The following PALLD variants were observed in gnomAD, a reference collection of about 807,000 sequenced individuals.
The protein encoded by PALLD is palladin.
Under a neutral mutation model 123.5 loss-of-function variants are expected in PALLD, and 61 were observed. The observed-to-expected ratio is 0.49, with a 90% CI of 0.40 to 0.61. PALLD has a LOEUF of 0.61. Among genes scored for constraint, PALLD ranks in the 20% least tolerant of loss-of-function variants. The pLI, the probability that PALLD is intolerant of heterozygous loss-of-function variation, is 0.00. For missense variants in PALLD, 1,273 were observed against 1,377.0 expected (o/e 0.92, Z 1.20); for synonymous variants, 465 against 496.4 (o/e 0.94, Z 0.84).
At chr4:168,921,768 T>G (rs766103840) in intron 18 of PALLD, 27 bp downstream of exon 18, 1 of 1,531,234 alleles carries the variant, frequency 6.5e-7, no homozygotes, top group Non-Finnish European at 9.0e-7. Context: ...ATCCTTGCTC[T>G]CTGACAGAAT....
At chr4:168,552,968 G>A (rs1403595283) in intron 2 of PALLD, among the ~76,000 whole-genome samples, 1 of 152,048 alleles carries the variant, frequency 6.6e-6, no homozygotes. Context: ...GTGCCACCAC[G>A]CCCAGACAAT....
chr4:168,507,561 C>T (rs907716017), intron 1 of PALLD: 4 of 200,398 alleles, frequency 2.0e-5, no homozygotes, highest in East Asian at 7.6e-5. Context: ...CAACACCAAA[C>T]GTGAAACCAT....
intron 2 of PALLD, among the ~76,000 whole-genome samples, chr4:168,646,381 G>T (rs1341063328): frequency 1.3e-5 from 2 of 152,194 alleles, no homozygotes; most frequent in African/African-American, 4.8e-5. Flanking sequence ...CAGGACTCCA[G>T]TCCCAGACTG....
At chr4:168,618,307 C>T (rs1774423382) in intron 2 of PALLD, among the ~76,000 whole-genome samples, 1 of 152,152 alleles carries the variant, frequency 6.6e-6, no homozygotes, top group Admixed American at 6.5e-5. Flanking sequence ...AGAACTATAA[C>T]TTTCTATGGT....
chr4:168,870,357 A>C (rs982832120), intron 10 of PALLD, among the ~76,000 whole-genome samples: 1 of 152,202 alleles, frequency 6.6e-6, no homozygotes, highest in Non-Finnish European at 1.5e-5. Context: ...AAAAAATGCA[A>C]TTGACGTTAG....
intron 2 of PALLD, among the ~76,000 whole-genome samples, chr4:168,565,946 G>A (rs1768330649): frequency 6.6e-6 from 1 of 151,944 alleles, no homozygotes; most frequent in African/African-American, 2.4e-5. Flanking sequence ...TGTGTTTTGT[G>A]TTATATAATG....
At chr4:168,914,327 C>G (rs1759667183) in intron 16 of PALLD, among the ~76,000 whole-genome samples, 1 of 152,166 alleles carries the variant, frequency 6.6e-6, no homozygotes, top group South Asian at 2.1e-4. Context: ...GAAAATACTA[C>G]TAAATGGTAC....
chr4:168,809,933 G>A (rs1387922185), intron 10 of PALLD, among the ~76,000 whole-genome samples: 1 of 152,028 alleles, frequency 6.6e-6, no homozygotes, highest in Non-Finnish European at 1.5e-5. Context: ...AGAAGGAGTA[G>A]TCAGGGAAGT....
chr4:168,792,474 A>G (rs1413148941), intron 10 of PALLD, among the ~76,000 whole-genome samples: 1 of 151,924 alleles, frequency 6.6e-6, no homozygotes, highest in Non-Finnish European at 1.5e-5. Context: ...TGACTCTTCT[A>G]CTTCCTCTCG....
At chr4:168,846,290 G>A (rs1746832288) in intron 10 of PALLD, among the ~76,000 whole-genome samples, 1 of 152,136 alleles carries the variant, frequency 6.6e-6, no homozygotes, top group Non-Finnish European at 1.5e-5. Flanking sequence ...TTATAACGTG[G>A]ACAACTGAAA....
At chr4:168,692,170 G>A (rs1000200907) in intron 8 of PALLD, among the ~76,000 whole-genome samples, 1 of 152,060 alleles carries the variant, frequency 6.6e-6, no homozygotes, top group Non-Finnish European at 1.5e-5. Flanking sequence ...ACTCTTCTTG[G>A]GGGAACTGGA....
At position 168,631,593 on chromosome 4, in the gene PALLD, G is replaced by A. The variant is rs1484562732; in HGVS notation, c.909-36597G>A. The A allele has an allele frequency of 1.7e-5, 17 of 985,416 alleles. No individual in the cohort carries two copies. The South Asian group carries it at 7.5e-4, about 44-fold the overall frequency. The allele number at this position is 985,416 out of a possible 1,614,324, so 61.0% of individuals were successfully genotyped here. On this transcript the variant is annotated intron_variant, in intron 2 of 21. Coordinates refer to ENST00000505667, the MANE Select transcript of PALLD (RefSeq NM_001166108.2). ...GCACTCCGACACACTCCGCGCACAC[G>A]CGCCCCTCGGCGAGACGCGGCGCAT...
chr4:168,586,178 AG>A (rs199831688), intron 2 of PALLD, among the ~76,000 whole-genome samples: 15 of 133,922 alleles, frequency 1.1e-4, no homozygotes, highest in African/African-American at 3.1e-4. Context: ...AAAAAAAAAA[AG>A]GCTTTCTAAG....
chr4:168,922,467 ATCT>A (rs1413581844), intron 18 of PALLD, among the ~76,000 whole-genome samples: 4 of 152,148 alleles, frequency 2.6e-5, no homozygotes, highest in Non-Finnish European at 2.9e-5. Flanking sequence ...ATCAGAGCAA[ATCT>A]TCTCTGAATT....
Position 168,925,065 on chromosome 4 carries a change from G to A in PALLD, c.3345G>A (p.Arg1115=). 6.2e-7 allele frequency: 1 copy of A among 1,614,042 alleles called. No individual in the cohort carries two copies. The highest frequency in any genetic ancestry group is 8.5e-7 in the Non-Finnish European group (1 of 1,179,968). Residue 1115 remains arginine (R), a synonymous_variant, in exon 20 of 22, where the codon AGG becomes AGA. Coordinates refer to ENST00000505667, the MANE Select transcript of PALLD (RefSeq NM_001166108.2). ...NEAGIVSCTA[R]LDVYISRH is the part of the protein sequence containing the mutation. Reference sequence around the variant, plus strand: ...CAGGGATTGTGTCCTGTACTGCCAGGCTGGACGTTTACAGTGAGTGCCACT... The same window carrying A: ...CAGGGATTGTGTCCTGTACTGCCAGACTGGACGTTTACAGTGAGTGCCACT...
intron 10 of PALLD, among the ~76,000 whole-genome samples, chr4:168,820,402 CAATT>C (rs1237622116): frequency 3.3e-5 from 5 of 152,148 alleles, no homozygotes; most frequent in African/African-American, 4.8e-5. Context: ...AAACTAGTAA[CAATT>C]AAGCCTATGA....
intron 8 of PALLD, among the ~76,000 whole-genome samples, chr4:168,703,080 C>T (rs1783852506): frequency 7.8e-6 from 1 of 128,652 alleles, no homozygotes; most frequent in East Asian, 2.6e-4. Context: ...CACAACAGTC[C>T]CCAGAGTGTG....
At chr4:168,853,268 G>A (rs557079046) in intron 10 of PALLD, among the ~76,000 whole-genome samples, 11 of 152,148 alleles carry the variant, frequency 7.2e-5, no homozygotes, top group Admixed American at 7.2e-4. Flanking sequence ...GTCAAATACA[G>A]GTTGTTTTAC....
At chr4:168,875,367 G>A (rs939419962) in intron 10 of PALLD, among the ~76,000 whole-genome samples, 2 of 152,132 alleles carry the variant, frequency 1.3e-5, no homozygotes, top group Non-Finnish European at 1.5e-5. Context: ...TAATGAGGAA[G>A]AAGAAAATGG....
Sources: gnomAD v4.1 joint callset for allele counts (sites outside exome capture counted in the v4.1 genomes callset) on GRCh38, gnomAD v4.1.1 for gene constraint, MANE v1.5 for transcripts, NCBI Gene and HGNC (gene_info 2026-07-23, HGNC 2026-07-21) for gene names.